The following HACE1 variants were observed in gnomAD, a reference collection of about 807,000 sequenced individuals.
The protein encoded by HACE1 is HECT domain and ankyrin repeat containing E3 ubiquitin protein ligase 1, also known as E3 ubiquitin-protein ligase HACE1.
In HACE1, 73 loss-of-function variants were observed where a neutral mutation model predicts 118.4. The ratio of observed to expected loss-of-function variants is 0.62; its 90% CI spans 0.51 to 0.75. The LOEUF (loss-of-function observed/expected upper bound fraction) is 0.75. HACE1 is among the 30% of genes least tolerant of loss of function. The pLI, the probability that HACE1 is intolerant of heterozygous loss-of-function variation, is 0.00. For missense variants in HACE1, 749 were observed against 1,102.2 expected (o/e 0.68, Z 4.54); for synonymous variants, 368 against 374.8 (o/e 0.98, Z 0.21).
In HACE1 at chr6:104,849,153, T is replaced by C; in HGVS notation, c.315A>G (p.Ala105=). 1 of 1,583,250 alleles carries C rather than the reference T, an allele frequency of 6.3e-7. No homozygotes were observed. Among genetic ancestry groups the C allele is most frequent in the Non-Finnish European group, 8.7e-7 (1 of 1,151,692 alleles). Residue 105 remains alanine, a synonymous_variant, in exon 4 of 24, where the codon GCA becomes GCG. Transcript: ENST00000262903. ...DISGCTPLHL[A]ARNGQKKCMS... ...AACTAAATAGTTACCCATTTCTTGC[T>C]GCCAAATGAAGGGGTGTACAGCCTG...
chr6:104,785,275 T>G lies in HACE1; in HGVS notation c.1119A>C (p.Leu373Phe), dbSNP rs1424678992. The change falls in exon 12 of 24, where the codon TTA (leucine) becomes TTC (phenylalanine). Residue 373 changes from leucine to phenylalanine, a missense_variant. Around this residue, in one of 5 missense-constraint regions of HACE1, gnomAD observed 267 missense variants for 312.2 expected, o/e 0.86. Coordinates refer to ENST00000262903, the MANE Select transcript of HACE1 (RefSeq NM_020771.4). The stretch of plus-strand genomic sequence containing the variant: ...TGTTTTTCATCAATTCTGTGGCTAT[T>G]AAAACTAGCCATTCATCTAACGAGT... ...LWHSLDEWLV[L>F]IATELMKNKR... 1 of 1,612,272 alleles carries G rather than the reference T, an allele frequency of 6.2e-7. No homozygotes were observed. The highest frequency in any genetic ancestry group is 8.5e-7 in the Non-Finnish European group (1 of 1,178,718).
At chr6:104,855,612 C>G (rs1282281418) in intron 1 of HACE1, among the ~76,000 whole-genome samples, 6 of 151,850 alleles carry the variant, frequency 4.0e-5, no homozygotes, top group African/African-American at 1.5e-4. Context: ...TGACTGCAAC[C>G]CACTAATTGC....
chr6:104,828,401 T>C (rs975357242), intron 6 of HACE1, among the ~76,000 whole-genome samples: 2 of 152,064 alleles, frequency 1.3e-5, no homozygotes, highest in Non-Finnish European at 1.5e-5. Flanking sequence ...TCCTTAATTA[T>C]ATCACCAGTA....
intron 7 of HACE1, among the ~76,000 whole-genome samples, chr6:104,805,161 T>C (rs1018425594): frequency 6.6e-6 from 1 of 152,106 alleles, no homozygotes; most frequent in Admixed American, 6.5e-5. Flanking sequence ...TGAGATACCA[T>C]CTCACGCCAG....
intron 6 of HACE1, among the ~76,000 whole-genome samples, chr6:104,815,507 G>A (rs372641172): frequency 7.4e-6 from 1 of 135,972 alleles, no homozygotes; most frequent in African/African-American, 3.0e-5. Flanking sequence ...GATTATAGGC[G>A]TGCGCCACCA....
intron 7 of HACE1, among the ~76,000 whole-genome samples, chr6:104,807,379 G>C (rs939952279): frequency 6.6e-6 from 1 of 152,076 alleles, no homozygotes; most frequent in Admixed American, 6.5e-5. Flanking sequence ...ACTGAAACGA[G>C]TTGCTTCGCA....
intron 3 of HACE1, 135 bp downstream of exon 3, chr6:104,850,772 G>A (rs949185975): frequency 6.6e-6 from 5 of 759,424 alleles, no homozygotes; most frequent in Non-Finnish European, 9.7e-6. Context: ...AGCACACCAC[G>A]CGCTCAAACA....
intron 2 of HACE1, 62 bp downstream of exon 2, chr6:104,852,255 A>C: frequency 1.1e-6 from 1 of 900,872 alleles, no homozygotes; most frequent in South Asian, 1.3e-5. Context: ...ACGGGCATGC[A>C]GTACACATTT....
intron 1 of HACE1, among the ~76,000 whole-genome samples, chr6:104,854,153 T>G (rs1053226772): frequency 1.3e-5 from 2 of 152,094 alleles, no homozygotes; most frequent in Non-Finnish European, 1.5e-5. Context: ...AAGCCCAAAT[T>G]AAAGGGAATT....
At position 104,742,227 on chromosome 6, in the gene HACE1, T is replaced by A. The variant is rs1057498519; in HGVS notation, c.2513+1933A>T. ...AAAACACTAGAAGAAAACCTAGGCA[T>A]TACCATTCAGGACATAGGCATGGGC... is the stretch of plus-strand genomic sequence containing the variant. On this transcript the variant is annotated intron_variant, in intron 22 of 23. Transcript: ENST00000262903. Among the ~76,000 whole-genome samples, 66 of 134,276 alleles carry A rather than the reference T, an allele frequency of 4.9e-4. 2 individuals are homozygous for A. Among genetic ancestry groups the A allele is most frequent in the African/African-American group, 1.8e-3 (55 of 31,130 alleles). The allele number at this position is 134,276 out of a possible 152,430, so 88.1% of individuals were successfully genotyped here. A position where few individuals can be genotyped will look rare whatever the true frequency, so the allele number is the denominator to read the frequency against.
intron 14 of HACE1, among the ~76,000 whole-genome samples, chr6:104,783,771 T>C (rs1335724513): frequency 6.6e-6 from 1 of 152,262 alleles, no homozygotes; most frequent in Non-Finnish European, 1.5e-5. Context: ...GCATATGTTA[T>C]GTAATTTCCC....
chr6:104,793,778 T>C (rs1783323134), intron 10 of HACE1, among the ~76,000 whole-genome samples: 2 of 152,168 alleles, frequency 1.3e-5, no homozygotes, highest in African/African-American at 4.8e-5. Context: ...GTATTTGAAA[T>C]CATCTTAAGA....
At chr6:104,842,370 CCGG>C (rs1022470405) in intron 5 of HACE1, 52 of 152,216 alleles carry the variant, frequency 3.4e-4, no homozygotes, top group African/African-American at 1.3e-3. Flanking sequence ...CTTTGGGAGG[CCGG>C]CGGGTGGATC....
intron 9 of HACE1, among the ~76,000 whole-genome samples, chr6:104,796,390 G>GT (rs1317255110): frequency 1.3e-5 from 2 of 152,118 alleles, no homozygotes; most frequent in African/African-American, 4.8e-5. Flanking sequence ...AATTACAGGC[G>GT]TGAGATACCA....
intron 22 of HACE1, among the ~76,000 whole-genome samples, chr6:104,743,724 G>A (rs992630665): frequency 4.6e-5 from 7 of 152,032 alleles, no homozygotes; most frequent in Admixed American, 4.6e-4. Flanking sequence ...ACACTTTAAA[G>A]TTTACTTTGA....
intron 19 of HACE1, among the ~76,000 whole-genome samples, chr6:104,761,507 G>A (rs1056566793): frequency 6.6e-6 from 1 of 152,184 alleles, no homozygotes; most frequent in East Asian, 1.9e-4. Context: ...GCAGAAAACT[G>A]AAACTGGACC....
chr6:104,741,986 G>A (rs1276612367), intron 22 of HACE1, among the ~76,000 whole-genome samples: 2 of 151,264 alleles, frequency 1.3e-5, no homozygotes, highest in Non-Finnish European at 2.9e-5. Flanking sequence ...GAACAGAACA[G>A]AGCCCTCAGA....
chr6:104,776,266 C>T (rs751562678), intron 17 of HACE1, among the ~76,000 whole-genome samples: 13 of 152,028 alleles, frequency 8.6e-5, no homozygotes, highest in Non-Finnish European at 1.8e-4. Flanking sequence ...GTTTTCCTAA[C>T]CAATATATTT....
chr6:104,859,666 TCCGCGATCAG>T lies in HACE1; in HGVS notation c.-34_-25del. The T allele has an allele frequency of 3.9e-6, 6 of 1,526,204 alleles. No homozygotes were observed. Among genetic ancestry groups the T allele is most frequent in the Admixed American group, 2.0e-5 (1 of 50,120 alleles). 94.5% of individuals were successfully genotyped at this position (1,526,204 alleles called of 1,614,324 possible). A position where few individuals can be genotyped will look rare whatever the true frequency, so the allele number is the denominator to read the frequency against. The stretch of plus-strand genomic sequence containing the variant: ...ATCCTCGGCGCGCCCTCCGCGATCC[TCCGCGATCAG>T]CCGCCCCACCGGCGGCCTCCGCGCC... On this transcript the variant is annotated 5_prime_UTR_variant, in exon 1 of 24. Coordinates refer to ENST00000262903, the MANE Select transcript of HACE1 (RefSeq NM_020771.4).
Sources: gnomAD v4.1 joint callset for allele counts (sites outside exome capture counted in the v4.1 genomes callset) on GRCh38, gnomAD v4.1.1 for gene constraint, gnomAD v4.1.1 regional missense constraint, MANE v1.5 for transcripts, NCBI Gene and HGNC (gene_info 2026-07-23, HGNC 2026-07-21) for gene names.